LRRC4C: variants seen among roughly 807,000 people sequenced by gnomAD.
LRRC4C encodes the protein leucine-rich repeat-containing protein 4C.
In LRRC4C, 5 loss-of-function variants were observed where a neutral mutation model predicts 33.6. The observed-to-expected ratio is 0.15, with a 90% CI of 0.08 to 0.31. LRRC4C has a LOEUF of 0.31. Ranked by LOEUF, LRRC4C falls within the 10% of genes least tolerant of loss-of-function variation. The probability of loss-of-function intolerance (pLI) is 1.00; values close to 1 mark genes in which losing one functional copy is unlikely to be tolerated. For missense variants in LRRC4C, 560 were observed against 796.7 expected (o/e 0.70, Z 3.58); for synonymous variants, 329 against 302.0 (o/e 1.09, Z -0.93).
At chr11:41,030,420 C>T (rs1590292195) in intron 1 of LRRC4C, among the ~76,000 whole-genome samples, 2 of 151,898 alleles carry the variant, frequency 1.3e-5, no homozygotes, top group Admixed American at 1.3e-4. Flanking sequence ...TATCATAACC[C>T]TCAATGACAC....
intron 2 of LRRC4C, among the ~76,000 whole-genome samples, chr11:40,900,005 T>C (rs1437504802): frequency 1.3e-5 from 2 of 152,178 alleles, no homozygotes; most frequent in African/African-American, 2.4e-5. Context: ...TTTAGTGTTT[T>C]AATTTTAATG....
intron 2 of LRRC4C, among the ~76,000 whole-genome samples, chr11:40,751,003 T>C (rs1449094559): frequency 6.6e-6 from 1 of 151,714 alleles, no homozygotes; most frequent in African/African-American, 2.4e-5. Context: ...ATCAATAGAA[T>C]GAAGGACAAA....
intron 1 of LRRC4C, among the ~76,000 whole-genome samples, chr11:41,303,244 C>T (rs866585602): frequency 2.0e-4 from 30 of 148,728 alleles, no homozygotes; most frequent in African/African-American, 5.9e-4. Flanking sequence ...ATTGCAGGCA[C>T]GCGCCGCCAC....
intron 3 of LRRC4C, among the ~76,000 whole-genome samples, chr11:40,472,114 A>T (rs1952972044): frequency 7.5e-6 from 1 of 133,832 alleles, no homozygotes; most frequent in African/African-American, 2.5e-5. Context: ...TGTCTCTACT[A>T]AAAAAAATAC....
chr11:41,039,117 G>T (rs1857265913), intron 1 of LRRC4C, among the ~76,000 whole-genome samples: 1 of 151,984 alleles, frequency 6.6e-6, no homozygotes, highest in African/African-American at 2.4e-5. Context: ...ATGGTGAAAG[G>T]CAAGGGTCTA....
At chr11:40,732,058 CCA>C (rs372070609) in intron 2 of LRRC4C, among the ~76,000 whole-genome samples, 4,239 of 62,718 alleles carry the variant, frequency 0.068, 87 homozygotes, top group Middle Eastern at 0.12. Flanking sequence ...CAAAAAAAAA[CCA>C]AAAAAAAAAC....
At chr11:40,742,628 C>A (rs983126264) in intron 2 of LRRC4C, among the ~76,000 whole-genome samples, 76 of 151,950 alleles carry the variant, frequency 5.0e-4, no homozygotes, top group African/African-American at 1.8e-3. Flanking sequence ...ATTACCCTGG[C>A]AGCTGATGGT....
chr11:41,398,901 A>G (rs1458339565), intron 1 of LRRC4C, among the ~76,000 whole-genome samples: 2 of 151,924 alleles, frequency 1.3e-5, no homozygotes, highest in Non-Finnish European at 2.9e-5. Context: ...TCTCCCAAGC[A>G]GAATCCACTG....
chr11:40,299,099 C>T (rs1944651169), intron 4 of LRRC4C, among the ~76,000 whole-genome samples: 1 of 152,148 alleles, frequency 6.6e-6, no homozygotes, highest in Non-Finnish European at 1.5e-5. Context: ...AACTTCTCTC[C>T]CTTATGAATA....
chr11:40,424,148 C>A (rs1052877761), intron 3 of LRRC4C, among the ~76,000 whole-genome samples: 12 of 115,192 alleles, frequency 1.0e-4, no homozygotes, highest in African/African-American at 3.9e-4. Context: ...TGTGTAGATC[C>A]ATAATACTTA....
At chr11:40,860,842 C>A (rs1232925983) in intron 2 of LRRC4C, among the ~76,000 whole-genome samples, 1 of 114,954 alleles carries the variant, frequency 8.7e-6, no homozygotes, top group African/African-American at 3.5e-5. Flanking sequence ...CAACCCATAA[C>A]AGAGAAATAA....
chr11:40,777,566 C>CT (rs1032312155), intron 2 of LRRC4C, among the ~76,000 whole-genome samples: 11 of 147,660 alleles, frequency 7.4e-5, no homozygotes, highest in African/African-American at 2.7e-4. Flanking sequence ...GGCCCTTCCT[C>CT]TTTTTTGTTT....
intron 2 of LRRC4C, among the ~76,000 whole-genome samples, chr11:40,862,863 C>CA (rs1223116224): frequency 6.6e-6 from 1 of 152,166 alleles, no homozygotes; most frequent in African/African-American, 2.4e-5. Context: ...AAATGCTGTA[C>CA]ATTGCTGAGG....
chr11:40,169,934 C>T (rs1859910343), intron 5 of LRRC4C, among the ~76,000 whole-genome samples: 1 of 152,110 alleles, frequency 6.6e-6, no homozygotes, highest in Non-Finnish European at 1.5e-5. Context: ...CTTCCTTTTG[C>T]AAACACAAGA....
chr11:40,116,827 G>A (rs1223708444), intron 6 of LRRC4C, among the ~76,000 whole-genome samples: 2 of 152,156 alleles, frequency 1.3e-5, no homozygotes, highest in East Asian at 3.8e-4. Context: ...TCTGGAAATG[G>A]TTACATAATT....
chr11:40,766,528 GA>G (rs1262671718), intron 2 of LRRC4C, among the ~76,000 whole-genome samples: 4 of 143,488 alleles, frequency 2.8e-5, no homozygotes, highest in East Asian at 3.9e-4. Flanking sequence ...AAGAACTGAT[GA>G]AAAAAATAAC....
At position 40,209,648 on chromosome 11, in the gene LRRC4C, T is replaced by A. The variant is rs145181215; in HGVS notation, c.-96+31871A>T. Reference sequence around the variant, plus strand: ...ACCTCTGCCTCCTGGGTTCAAACGATTCTCATGCCTCAGCCTCCCAAGTAG... The same window carrying A: ...ACCTCTGCCTCCTGGGTTCAAACGAATCTCATGCCTCAGCCTCCCAAGTAG... On this transcript the variant is annotated intron_variant, in intron 5 of 6. Coordinates refer to ENST00000528697, the MANE Select transcript of LRRC4C (RefSeq NM_001258419.2). Among the ~76,000 whole-genome samples the A allele has an allele frequency of 2.1e-3, 325 of 152,254 alleles. 1 individual carries two copies. Among genetic ancestry groups the A allele is most frequent in the African/African-American group, 7.3e-3 (305 of 41,542 alleles).
intron 5 of LRRC4C, among the ~76,000 whole-genome samples, chr11:40,232,261 C>CTTT (rs1028982911): frequency 1.3e-5 from 2 of 152,176 alleles, no homozygotes; most frequent in African/African-American, 4.8e-5. Flanking sequence ...CCACTTTGGC[C>CTTT]TCCCAAAGTG....
chr11:41,014,872 G>A (rs895947537), intron 1 of LRRC4C, among the ~76,000 whole-genome samples: 11 of 151,918 alleles, frequency 7.2e-5, no homozygotes, highest in Admixed American at 4.6e-4. Context: ...TTCATTTTTA[G>A]TTGAGGAAAC....
Sources: gnomAD v4.1 joint callset for allele counts (sites outside exome capture counted in the v4.1 genomes callset) on GRCh38, gnomAD v4.1.1 for gene constraint, MANE v1.5 for transcripts, NCBI Gene and HGNC (gene_info 2026-07-23, HGNC 2026-07-21) for gene names.